Variants in NDUFA10 observed in about 807,000 individuals in gnomAD.
NDUFA10 encodes NADH dehydrogenase [ubiquinone] 1 alpha subcomplex subunit 10, mitochondrial.
Under a neutral mutation model 47.8 loss-of-function variants are expected in NDUFA10, and 40 were observed. That is an observed-to-expected ratio of 0.84 (90% CI 0.65 to 1.09). The LOEUF is 1.09. NDUFA10 is among the 50% of genes least tolerant of loss of function. The pLI is 0.00. For synonymous variants in NDUFA10, 183 were observed against 172.2 expected (o/e 1.06, Z -0.49); for missense variants, 413 against 451.1 (o/e 0.92, Z 0.76).
At chr2:239,949,563 G>A (rs181170507) in intron 4 of NDUFA10, among the ~76,000 whole-genome samples, 30 of 152,292 alleles carry the variant, frequency 2.0e-4, no homozygotes, top group African/African-American at 6.5e-4. Flanking sequence ...CTTCTCTGTT[G>A]CTCAGGCTGG....
chr2:239,942,497 G>A (rs1353816905), intron 4 of NDUFA10, among the ~76,000 whole-genome samples: 2 of 152,136 alleles, frequency 1.3e-5, no homozygotes, highest in Non-Finnish European at 2.9e-5. Context: ...ACACTGTTTC[G>A]GTTCTGTTTG....
In NDUFA10 at chr2:239,959,329, A is replaced by G; in HGVS notation, c.*1789T>C. 1.0e-6 allele frequency: 1 copy of G among 985,492 alleles called. No individual in the cohort carries two copies. Among genetic ancestry groups the G allele is most frequent in the Non-Finnish European group, 1.2e-6 (1 of 829,956 alleles). 61.0% of individuals were successfully genotyped at this position (985,492 alleles called of 1,614,324 possible). A position where few individuals can be genotyped will look rare whatever the true frequency, so the allele number is the denominator to read the frequency against. On this transcript the variant is annotated 3_prime_UTR_variant, in exon 10 of 10. Coordinates refer to ENST00000252711, the MANE Select transcript of NDUFA10 (RefSeq NM_004544.4). ...GACCTGCCCTCTCACTGCTGAGGAC[A>G]CTACCCGTGCAACCACCAAGGTTGA... is the stretch of plus-strand genomic sequence containing the variant.
intron 4 of NDUFA10, among the ~76,000 whole-genome samples, chr2:239,937,439 G>C (rs1694283013): frequency 6.6e-6 from 1 of 152,106 alleles, no homozygotes; most frequent in African/African-American, 2.4e-5. Context: ...GCCAGTTCTG[G>C]ACATGTCAAG....
chr2:239,989,908 G>A (rs559980831), intron 9 of NDUFA10, among the ~76,000 whole-genome samples, 166 bp downstream of exon 9: 9 of 152,304 alleles, frequency 5.9e-5, no homozygotes, highest in Admixed American at 1.3e-4. Context: ...TTTCCACACA[G>A]AAATACGGGG....
intron 9 of NDUFA10, among the ~76,000 whole-genome samples, chr2:239,962,153 G>T (rs1393488072): frequency 1.3e-5 from 2 of 152,024 alleles, no homozygotes; most frequent in Non-Finnish European, 2.9e-5. Flanking sequence ...TGGCAGGTGG[G>T]AAAATGATGA....
At chr2:239,898,518 G>T (rs1288303675) in intron 4 of NDUFA10, among the ~76,000 whole-genome samples, 1 of 152,264 alleles carries the variant, frequency 6.6e-6, no homozygotes, top group East Asian at 1.9e-4. Context: ...TGGTGAGGTT[G>T]AACCCTGGGG....
intron 8 of NDUFA10, among the ~76,000 whole-genome samples, chr2:239,995,864 G>A (rs1267286952): frequency 2.6e-5 from 4 of 152,134 alleles, no homozygotes; most frequent in African/African-American, 7.2e-5. Flanking sequence ...ACGATAAAGC[G>A]GCCAATTCTT....
rs767898636 is a variant in NDUFA10 at position 240,021,420 on chromosome 2, G to A, written c.245-8C>T. On this transcript the variant is annotated splice_region_variant and splice_polypyrimidine_tract_variant and intron_variant, in intron 2 of 9. Transcript: ENST00000252711. ...CAGGAAAGTGCTTGAAGCCTGAAAA[G>A]AGAAACAGTCGGATGCAGTCTGATG... is the stretch of plus-strand genomic sequence containing the variant. 2 of 1,613,030 alleles carry A rather than the reference G, an allele frequency of 1.2e-6. No homozygotes were observed. The highest frequency in any genetic ancestry group is 1.3e-5 in the African/African-American group (1 of 75,022).
chr2:239,995,167 G>A (rs918035894), intron 8 of NDUFA10, among the ~76,000 whole-genome samples: 1 of 152,082 alleles, frequency 6.6e-6, no homozygotes, highest in African/African-American at 2.4e-5. Context: ...TCAGCTACTT[G>A]GGAGGCTGAT....
At position 239,925,326 on chromosome 2, in the gene NDUFA10, CAG is replaced by C. The variant is rs1694048561; in HGVS notation, c.295-30014_295-30013del. Among the ~76,000 whole-genome samples the C allele has an allele frequency of 2.6e-5, 4 of 152,060 alleles. No individual in the cohort carries two copies. In the South Asian group the frequency reaches 6.2e-4, roughly 24 times the overall value. On this transcript the variant is annotated intron_variant, in intron 4 of 5. Coordinates refer to the NDUFA10 transcript ENST00000419408. ...TACGGTAATCAAGACTATAGAGAAA[CAG>C]AGAGAAAAGAGAACAGAATAAAGAA... is the stretch of plus-strand genomic sequence containing the variant.
chr2:240,000,867 G>A (rs1696681942), intron 8 of NDUFA10, among the ~76,000 whole-genome samples: 1 of 152,244 alleles, frequency 6.6e-6, no homozygotes, highest in African/African-American at 2.4e-5. Context: ...TAGGTGTGCA[G>A]GTTATAGCAT....
chr2:239,983,176 G>A (rs1402154065), intron 9 of NDUFA10, among the ~76,000 whole-genome samples: 2 of 152,292 alleles, frequency 1.3e-5, no homozygotes, highest in East Asian at 3.9e-4. Context: ...AGGGGAGGGA[G>A]CTTTCCCCAG....
rs958859250 is a variant in NDUFA10, at chr2:239,960,190, G to A, written c.*928C>T. 6.1e-6 allele frequency: 6 copies of A among 981,280 alleles called. No homozygotes were observed. In the African/African-American group the frequency reaches 1.1e-4, roughly 18 times the overall value. 60.8% of individuals were successfully genotyped at this position (981,280 alleles called of 1,614,324 possible). ...CAGCCTGATTCCTAATGGACACAGT[G>A]GAGCTTTACAGTGGAAAACCCACAG... On this transcript the variant is annotated 3_prime_UTR_variant, in exon 10 of 10. Transcript: ENST00000252711.
chr2:239,983,680 G>C (rs757372553), intron 9 of NDUFA10: 2 of 1,575,946 alleles, frequency 1.3e-6, no homozygotes, highest in African/African-American at 2.7e-5. Context: ...CTTCACCTCT[G>C]TGGATTCCTC....
At chr2:239,978,503 T>C (rs1421396197) in intron 9 of NDUFA10, among the ~76,000 whole-genome samples, 1 of 152,130 alleles carries the variant, frequency 6.6e-6, no homozygotes, top group Admixed American at 6.5e-5. Flanking sequence ...CCAGCTCTTC[T>C]TCCTTTCAGC....
Position 240,025,255 on chromosome 2 carries a change from C to A in NDUFA10, c.47G>T (p.Arg16Leu). 1 of 1,499,170 alleles carries A rather than the reference C, an allele frequency of 6.7e-7. No homozygotes were observed. The highest frequency in any genetic ancestry group is 8.9e-7 in the Non-Finnish European group (1 of 1,128,860). The allele number at this position is 1,499,170 out of a possible 1,614,324, so 92.9% of individuals were successfully genotyped here. A position where few individuals can be genotyped will look rare whatever the true frequency, so the allele number is the denominator to read the frequency against. ...LKLAATSASA[R>L]VVAAGAQRVR... The stretch of plus-strand genomic sequence containing the variant: ...GCGCTGGGCGCCCGCCGCCACGACC[C>A]GGGCGGACGCGGACGTCGCTGCCAG... The change falls in exon 1 of 10, where the codon CGG becomes CTG. Residue 16 changes from arginine to leucine, a missense_variant. Transcript: ENST00000252711.
rs1694836230 is a variant in NDUFA10 at position 239,961,149 on chromosome 2, T to G, written c.1037A>C (p.Glu346Ala). The change falls in exon 10 of 10, where the codon GAG becomes GCG. Residue 346 changes from glutamate to alanine, a missense_variant. Physicochemically the swap from Glu to Ala is moderately radical, Grantham distance 107. Coordinates refer to ENST00000252711, the MANE Select transcript of NDUFA10 (RefSeq NM_004544.4). ...GRKYSPGYNT[E>A]VGDKWIWLK ...CAGCCAGATCCACTTGTCTCCCACC[T>G]CGGTGTTGTACCCAGGGCTGTACTT... 1 of 1,614,112 alleles carries G rather than the reference T, an allele frequency of 6.2e-7. No individual in the cohort carries two copies. The highest frequency in any genetic ancestry group is 8.5e-7 in the Non-Finnish European group (1 of 1,180,014).
At chr2:239,984,078 C>G (rs145385533) in intron 9 of NDUFA10, among the ~76,000 whole-genome samples, 3,885 of 151,960 alleles carry the variant, frequency 0.026, 177 homozygotes, top group African/African-American at 0.09. Context: ...ACTAAAAATA[C>G]AAAAATTAGC....
At chr2:239,916,611 C>T (rs1693883911) in intron 4 of NDUFA10, among the ~76,000 whole-genome samples, 1 of 152,276 alleles carries the variant, frequency 6.6e-6, no homozygotes, top group Non-Finnish European at 1.5e-5. Context: ...TGATAAAGAG[C>T]AAACATTTAT....
Sources: allele counts gnomAD v4.1 joint callset (sites outside exome capture counted in the v4.1 genomes callset), GRCh38; gene constraint gnomAD v4.1.1; transcripts MANE v1.5; gene names NCBI Gene and HGNC (gene_info 2026-07-23, HGNC 2026-07-21).